TNFSF4: variants seen among roughly 807,000 people sequenced by gnomAD.
TNFSF4 encodes TNF superfamily member 4.
A neutral mutation model predicts 7.3 loss-of-function variants in TNFSF4; 4 were observed. The observed-to-expected ratio is 0.55, with a 90% CI of 0.27 to 1.25. The LOEUF (loss-of-function observed/expected upper bound fraction) is 1.25, where lower values mean the gene tolerates loss of function less well. TNFSF4 is among the 50% of genes most tolerant of loss of function. TNFSF4 has a pLI of 0.12. For missense variants in TNFSF4, 181 were observed against 208.8 expected (o/e 0.87, Z 0.82); for synonymous variants, 76 against 83.7 (o/e 0.91, Z 0.50).
At chr1:173,346,161 C>A in the TNFSF4 span, among the ~76,000 whole-genome samples, 152 of 152,266 alleles carry the variant, frequency 1.0e-3, no homozygotes, top group African/African-American at 3.6e-3. Context: ...ATTCGCTCAT[C>A]CCCACCCTCA....
the TNFSF4 span, among the ~76,000 whole-genome samples, chr1:173,380,184 G>C: frequency 6.6e-6 from 1 of 152,130 alleles, no homozygotes; most frequent in Admixed American, 6.5e-5. Context: ...GTTGTAATTG[G>C]GAGACTTTGC....
chr1:173,409,809 T>C, the TNFSF4 span, among the ~76,000 whole-genome samples: 1 of 152,322 alleles, frequency 6.6e-6, no homozygotes, highest in Non-Finnish European at 1.5e-5. Context: ...AAGTGGTGGC[T>C]GGCAGTAAGC....
the TNFSF4 span, among the ~76,000 whole-genome samples, chr1:173,218,036 A>G: frequency 1.3e-5 from 2 of 152,120 alleles, no homozygotes; most frequent in Non-Finnish European, 2.9e-5. Flanking sequence ...GGCGTGAACC[A>G]CCATTCCCAG....
chr1:173,397,705 A>G, the TNFSF4 span, among the ~76,000 whole-genome samples: 1 of 152,188 alleles, frequency 6.6e-6, no homozygotes, highest in African/African-American at 2.4e-5. Flanking sequence ...CCTGGTGGGA[A>G]AGATCAAATG....
the TNFSF4 span, among the ~76,000 whole-genome samples, chr1:173,322,238 T>C: frequency 6.6e-6 from 1 of 152,078 alleles, no homozygotes; most frequent in Non-Finnish European, 1.5e-5. Flanking sequence ...CATGACATAT[T>C]CTCACTCATA....
At chr1:173,387,642 T>C in the TNFSF4 span, among the ~76,000 whole-genome samples, 1 of 152,198 alleles carries the variant, frequency 6.6e-6, no homozygotes, top group Non-Finnish European at 1.5e-5. Context: ...TATTTTCAAG[T>C]GCCTCAGTCA....
the TNFSF4 span, among the ~76,000 whole-genome samples, chr1:173,308,285 C>CTCTCTCTCTCTG: frequency 3.2e-3 from 435 of 135,098 alleles, 5 homozygotes; most frequent in African/African-American, 0.012. Flanking sequence ...CTCTCTCTCT[C>CTCTCTCTCTCTG]TGTGTGTGTG....
the TNFSF4 span, among the ~76,000 whole-genome samples, chr1:173,357,617 C>T: frequency 2.6e-5 from 4 of 152,098 alleles, no homozygotes; most frequent in Admixed American, 2.0e-4. Flanking sequence ...CTGCAACCTC[C>T]ACTTCCTGGG....
At chr1:173,337,526 C>T in the TNFSF4 span, among the ~76,000 whole-genome samples, 1 of 152,164 alleles carries the variant, frequency 6.6e-6, no homozygotes, top group East Asian at 1.9e-4. Context: ...GACCAGTTGA[C>T]AGAGGAAAAG....
At chr1:173,430,044 C>G in the TNFSF4 span, among the ~76,000 whole-genome samples, 1 of 152,090 alleles carries the variant, frequency 6.6e-6, no homozygotes, top group African/African-American at 2.4e-5. Flanking sequence ...AGGGCCTCGC[C>G]CACAGCTGCT....
chr1:173,281,842 CAT>C, the TNFSF4 span, among the ~76,000 whole-genome samples: 1 of 152,158 alleles, frequency 6.6e-6, no homozygotes, highest in Non-Finnish European at 1.5e-5. Flanking sequence ...GACATATTAA[CAT>C]TATCTATTTC....
chr1:173,387,486 C>A, the TNFSF4 span, among the ~76,000 whole-genome samples: 1 of 152,218 alleles, frequency 6.6e-6, no homozygotes, highest in South Asian at 2.1e-4. Flanking sequence ...AAATAAATTT[C>A]TATTATTTAT....
chr1:173,418,713 C>G, the TNFSF4 span: 1 of 151,870 alleles, frequency 6.6e-6, no homozygotes. Context: ...GGGTAGCAAA[C>G]ATAATGGAGG....
the TNFSF4 span, among the ~76,000 whole-genome samples, chr1:173,419,242 T>G: frequency 6.6e-6 from 1 of 151,068 alleles, no homozygotes; most frequent in Non-Finnish European, 1.5e-5. Context: ...CTTGGGAGGC[T>G]GAGGCAGGAG....
At chr1:173,360,164 T>C in the TNFSF4 span, among the ~76,000 whole-genome samples, 3 of 152,262 alleles carry the variant, frequency 2.0e-5, no homozygotes, top group Non-Finnish European at 4.4e-5. Context: ...GAGAGAACTA[T>C]ATCCATCTCC....
At chr1:173,200,523 A>C (rs561651865) in intron 1 of TNFSF4, among the ~76,000 whole-genome samples, 2 of 152,342 alleles carry the variant, frequency 1.3e-5, no homozygotes, top group African/African-American at 4.8e-5. Context: ...AGAAGCTAAA[A>C]ATTGTCATCA....
At chr1:173,419,279 T>G in the TNFSF4 span, among the ~76,000 whole-genome samples, 10 of 151,390 alleles carry the variant, frequency 6.6e-5, no homozygotes, top group African/African-American at 2.4e-4. Context: ...GAGGCGGAGC[T>G]TGCAGGGAGC....
chr1:173,327,808 C>T, the TNFSF4 span, among the ~76,000 whole-genome samples: 1 of 152,052 alleles, frequency 6.6e-6, no homozygotes, highest in Non-Finnish European at 1.5e-5. Context: ...TATGAGATAC[C>T]ATCTCACACC....
chr1:173,227,557 G>T, the TNFSF4 span, among the ~76,000 whole-genome samples: 1 of 152,202 alleles, frequency 6.6e-6, no homozygotes, highest in Admixed American at 6.5e-5. Context: ...TCTCACTGGG[G>T]CTTGTCAGAC....
Sources: allele counts gnomAD v4.1 joint callset (sites outside exome capture counted in the v4.1 genomes callset), GRCh38; gene constraint gnomAD v4.1.1; transcripts MANE v1.5; gene names NCBI Gene and HGNC (gene_info 2026-07-23, HGNC 2026-07-21).